Variants in SPATA17 observed in about 807,000 individuals in gnomAD.
The protein encoded by SPATA17 is spermatogenesis-associated protein 17.
SPATA17 carries 53 observed loss-of-function variants against 62.2 expected under a neutral mutation model. The observed-to-expected ratio is 0.85, with a 90% CI of 0.68 to 1.07. SPATA17 has a LOEUF of 1.07. Among genes scored for constraint, SPATA17 ranks in the 50% least tolerant of loss-of-function variants. SPATA17 has a pLI of 0.00. For missense variants in SPATA17, 466 were observed against 425.5 expected (o/e 1.10, Z -0.84); for synonymous variants, 146 against 146.8 (o/e 0.99, Z 0.04).
chr1:217,642,296 T>C (rs1043357514), intron 1 of SPATA17, among the ~76,000 whole-genome samples: 1 of 152,186 alleles, frequency 6.6e-6, no homozygotes, highest in Admixed American at 6.5e-5. Flanking sequence ...CTATTCCTCA[T>C]CAAACTTAAA....
chr1:217,824,119 G>T (rs1383987952), intron 9 of SPATA17, among the ~76,000 whole-genome samples: 2 of 151,870 alleles, frequency 1.3e-5, no homozygotes, highest in Non-Finnish European at 2.9e-5. Flanking sequence ...TACAGTCAAG[G>T]TAATTATTGA....
intron 5 of SPATA17, among the ~76,000 whole-genome samples, chr1:217,720,177 A>G (rs1432332235): frequency 6.6e-6 from 1 of 152,214 alleles, no homozygotes; most frequent in Admixed American, 6.5e-5. Context: ...CAAATTAGTA[A>G]AGGTAAAATG....
chr1:217,762,265 T>C (rs1673188420), intron 6 of SPATA17, among the ~76,000 whole-genome samples: 1 of 152,186 alleles, frequency 6.6e-6, no homozygotes, highest in Non-Finnish European at 1.5e-5. Flanking sequence ...GACCTCTTTT[T>C]TAAGTTTCAG....
intron 8 of SPATA17, among the ~76,000 whole-genome samples, chr1:217,787,747 TCA>T (rs1673904736): frequency 6.6e-6 from 1 of 152,180 alleles, no homozygotes; most frequent in Non-Finnish European, 1.5e-5. Flanking sequence ...TCACTGATCT[TCA>T]GTTATGTTTT....
At chr1:217,638,678 G>T (rs923191573) in intron 1 of SPATA17, among the ~76,000 whole-genome samples, 2 of 152,092 alleles carry the variant, frequency 1.3e-5, no homozygotes, top group Admixed American at 1.3e-4. Flanking sequence ...ATTAAGCTAA[G>T]AAACCAGAAC....
intron 9 of SPATA17, among the ~76,000 whole-genome samples, chr1:217,840,086 C>T (rs1379709438): frequency 6.6e-6 from 1 of 152,178 alleles, no homozygotes; most frequent in East Asian, 1.9e-4. Flanking sequence ...ATTAATGTTA[C>T]TAAGAGTTAA....
chr1:217,700,038 C>G (rs1262910177), intron 5 of SPATA17, among the ~76,000 whole-genome samples: 1 of 152,104 alleles, frequency 6.6e-6, no homozygotes, highest in African/African-American at 2.4e-5. Context: ...ATCCCACTGA[C>G]AAAACACACT....
intron 5 of SPATA17, among the ~76,000 whole-genome samples, chr1:217,686,760 C>T (rs1269614279): frequency 6.6e-6 from 1 of 152,178 alleles, no homozygotes; most frequent in African/African-American, 2.4e-5. Context: ...CGCCCTGTTG[C>T]CCAGTCTGGA....
chr1:217,742,044 G>GAAGAA lies in SPATA17; in HGVS notation c.470_474dup (p.Asp159LysfsTer43). The GAAGAA allele has an allele frequency of 6.2e-7, 1 of 1,614,142 alleles. No homozygotes were observed. The highest frequency in any genetic ancestry group is 8.5e-7 in the Non-Finnish European group (1 of 1,180,024). ...AGAAGGCTAACCTCGAAAGGGAAGA[G>GAAGAA]AAGAAAAGAGATTACCAAGCCCGAA... On this transcript the variant is annotated frameshift_variant, in exon 6 of 11. Transcript: ENST00000366933. LOFTEE classifies it high-confidence loss of function.
At chr1:217,739,409 C>T (rs1178488376) in intron 5 of SPATA17, 2 of 152,052 alleles carry the variant, frequency 1.3e-5, no homozygotes, top group African/African-American at 4.8e-5. Context: ...CATTTAATCT[C>T]TTTATGTGTT....
At chr1:217,750,626 G>A (rs1469565786) in intron 6 of SPATA17, among the ~76,000 whole-genome samples, 1 of 152,162 alleles carries the variant, frequency 6.6e-6, no homozygotes, top group African/African-American at 2.4e-5. Context: ...ATAGAGTTAT[G>A]GATGTATGGT....
At chr1:217,770,183 G>T (rs1673404448) in intron 6 of SPATA17, among the ~76,000 whole-genome samples, 1 of 152,108 alleles carries the variant, frequency 6.6e-6, no homozygotes, top group Non-Finnish European at 1.5e-5. Flanking sequence ...TTAAAACATA[G>T]AACCCAAACA....
chr1:217,764,773 T>C (rs1673256584), intron 6 of SPATA17, among the ~76,000 whole-genome samples: 1 of 152,192 alleles, frequency 6.6e-6, no homozygotes, highest in Non-Finnish European at 1.5e-5. Flanking sequence ...TTTCAGTTGG[T>C]ATATAATGAT....
At chr1:217,775,056 T>C (rs1673554330) in intron 7 of SPATA17, among the ~76,000 whole-genome samples, 1 of 152,222 alleles carries the variant, frequency 6.6e-6, no homozygotes, top group African/African-American at 2.4e-5. Context: ...TTTTTAATTA[T>C]TTGAGAAACT....
chr1:217,712,681 G>A (rs1671905579), intron 5 of SPATA17, among the ~76,000 whole-genome samples: 1 of 151,900 alleles, frequency 6.6e-6, no homozygotes, highest in South Asian at 2.1e-4. Flanking sequence ...CTAGCATTCT[G>A]ATCATTTTTT....
intron 4 of SPATA17, among the ~76,000 whole-genome samples, chr1:217,681,447 C>T (rs1558563477): frequency 6.6e-6 from 1 of 151,852 alleles, no homozygotes; most frequent in Non-Finnish European, 1.5e-5. Flanking sequence ...AATCTCGGCT[C>T]ACTGCAACCT....
intron 9 of SPATA17, among the ~76,000 whole-genome samples, chr1:217,821,952 G>A (rs184944931): frequency 2.6e-5 from 4 of 152,146 alleles, no homozygotes; most frequent in Admixed American, 2.6e-4. Context: ...TTTTGGCAAT[G>A]TATTTTTGAT....
intron 9 of SPATA17, among the ~76,000 whole-genome samples, chr1:217,861,974 C>G (rs1675904955): frequency 6.6e-6 from 1 of 151,588 alleles, no homozygotes. Flanking sequence ...TCCACATGTT[C>G]TTTAATACAT....
intron 7 of SPATA17, among the ~76,000 whole-genome samples, chr1:217,781,620 A>G (rs1051422776): frequency 1.3e-5 from 2 of 152,196 alleles, no homozygotes; most frequent in African/African-American, 4.8e-5. Flanking sequence ...AGAGTTTAGA[A>G]TTTTAAATAA....
Sources: gnomAD v4.1 joint callset for allele counts (sites outside exome capture counted in the v4.1 genomes callset) on GRCh38, gnomAD v4.1.1 for gene constraint, MANE v1.5 for transcripts, NCBI Gene and HGNC (gene_info 2026-07-23, HGNC 2026-07-21) for gene names.